Variants in JMJD1C observed in about 807,000 individuals in gnomAD.
JMJD1C encodes jumonji domain-containing protein 1C.
A neutral mutation model predicts 245.3 loss-of-function variants in JMJD1C; 31 were observed. The observed-to-expected ratio is 0.13, with a 90% CI of 0.09 to 0.17. The LOEUF is 0.17. Ranked by LOEUF, JMJD1C falls within the 10% of genes least tolerant of loss-of-function variation. The pLI is 1.00. For synonymous variants in JMJD1C, 1,057 were observed against 1,017.4 expected, an observed-to-expected ratio of 1.04 and a Z score of -0.74; for missense variants, 2,691 against 3,000.2, an observed-to-expected ratio of 0.90 and a Z score of 2.41.
intron 2 of JMJD1C, among the ~76,000 whole-genome samples, chr10:63,338,617 T>C (rs1268808034): frequency 6.7e-6 from 1 of 150,188 alleles, no homozygotes; most frequent in African/African-American, 2.4e-5. Context: ...TTTTGAATAA[T>C]CAAATATCTT....
chr10:63,389,913 C>T (rs1947920411), intron 1 of JMJD1C, among the ~76,000 whole-genome samples: 1 of 152,036 alleles, frequency 6.6e-6, no homozygotes, highest in Admixed American at 6.6e-5. Context: ...GATGGAAGTT[C>T]ATAATTAATA....
chr10:63,496,475 ACT>A (rs1221238773), intron 1 of JMJD1C, among the ~76,000 whole-genome samples: 1 of 151,940 alleles, frequency 6.6e-6, no homozygotes. Context: ...CTTGTTCCCC[ACT>A]CTCTTCTTCT....
chr10:63,190,150 G>T (rs779232986), intron 17 of JMJD1C, among the ~76,000 whole-genome samples: 2 of 146,474 alleles, frequency 1.4e-5, no homozygotes, highest in African/African-American at 5.1e-5. Context: ...GTCTGCCCAC[G>T]TCAGCCTCCC....
At chr10:63,519,580 TAAGA>T (rs1020738876) in intron 1 of JMJD1C, among the ~76,000 whole-genome samples, 5 of 152,256 alleles carry the variant, frequency 3.3e-5, no homozygotes, top group African/African-American at 7.2e-5. Context: ...ATGACACAGA[TAAGA>T]AATAGAAATT....
intron 1 of JMJD1C, among the ~76,000 whole-genome samples, chr10:63,405,484 C>A (rs1173740655): frequency 6.6e-6 from 1 of 151,978 alleles, no homozygotes; most frequent in Admixed American, 6.6e-5. Context: ...CCAAGCTCAG[C>A]TAATTTTTTT....
chr10:63,458,502 T>G (rs2133070591), intron 1 of JMJD1C, among the ~76,000 whole-genome samples: 1 of 150,532 alleles, frequency 6.6e-6, no homozygotes, highest in South Asian at 2.1e-4. Context: ...AAAAAAAGTC[T>G]GCTAAAATCC....
At chr10:63,344,928 G>C (rs1224981284) in intron 2 of JMJD1C, among the ~76,000 whole-genome samples, 1 of 152,122 alleles carries the variant, frequency 6.6e-6, no homozygotes, top group Non-Finnish European at 1.5e-5. Flanking sequence ...TTTCAAGTGG[G>C]AATTAAACAT....
intron 2 of JMJD1C, among the ~76,000 whole-genome samples, chr10:63,345,501 A>C (rs1485350894): frequency 5.3e-5 from 8 of 151,766 alleles, no homozygotes; most frequent in African/African-American, 1.4e-4. Flanking sequence ...AAAAAAAAAA[A>C]AAAACAAAAA....
chr10:63,202,539 C>A (rs1846142311), intron 10 of JMJD1C: 2 of 985,354 alleles, frequency 2.0e-6, no homozygotes, highest in Non-Finnish European at 2.4e-6. Context: ...TATAGAGTGA[C>A]CCATTTGAAA....
At chr10:63,243,727 C>G (rs1339262607) in intron 3 of JMJD1C, among the ~76,000 whole-genome samples, 4 of 151,836 alleles carry the variant, frequency 2.6e-5, no homozygotes, top group African/African-American at 9.7e-5. Flanking sequence ...CAGTAGAAAA[C>G]AAAAAAGAAA....
intron 3 of JMJD1C, among the ~76,000 whole-genome samples, chr10:63,259,850 T>C (rs773663185): frequency 1.3e-5 from 2 of 152,222 alleles, no homozygotes; most frequent in African/African-American, 2.4e-5. Flanking sequence ...TCTACAATGA[T>C]AGAACTGTAG....
intron 3 of JMJD1C, among the ~76,000 whole-genome samples, chr10:63,232,456 A>C (rs1378087629): frequency 6.6e-6 from 1 of 152,230 alleles, no homozygotes; most frequent in Middle Eastern, 3.2e-3. Flanking sequence ...ACTGGTTAAT[A>C]ATTCATTTCA....
chr10:63,231,885 T>C (rs1850057504), intron 3 of JMJD1C, among the ~76,000 whole-genome samples: 2 of 152,200 alleles, frequency 1.3e-5, no homozygotes, highest in Non-Finnish European at 2.9e-5. Flanking sequence ...TCACTCAGGC[T>C]GGAGTGCAAT....
chr10:63,446,875 T>C (rs886778986), intron 1 of JMJD1C, among the ~76,000 whole-genome samples: 1 of 152,148 alleles, frequency 6.6e-6, no homozygotes, highest in Non-Finnish European at 1.5e-5. Context: ...ACAATCTGTA[T>C]AATACCAAGC....
chr10:63,499,982 C>T (rs530332878), intron 1 of JMJD1C, among the ~76,000 whole-genome samples: 3 of 152,270 alleles, frequency 2.0e-5, no homozygotes, highest in East Asian at 1.9e-4. Flanking sequence ...TAGTAGTCTA[C>T]TTTGTACCTA....
intron 3 of JMJD1C, among the ~76,000 whole-genome samples, chr10:63,241,608 AC>A (rs145671140): frequency 0.015 from 2,260 of 152,232 alleles, 50 homozygotes; most frequent in African/African-American, 0.052. Flanking sequence ...ATCATTTTCT[AC>A]TAATTTTCAC....
intron 1 of JMJD1C, among the ~76,000 whole-genome samples, chr10:63,397,490 G>T (rs1948583860): frequency 6.6e-6 from 1 of 151,952 alleles, no homozygotes; most frequent in African/African-American, 2.4e-5. Flanking sequence ...TGGGATTACA[G>T]GTGTGAGCCA....
chr10:63,309,779 T>C (rs1443248456), intron 2 of JMJD1C, among the ~76,000 whole-genome samples: 1 of 152,042 alleles, frequency 6.6e-6, no homozygotes, highest in Non-Finnish European at 1.5e-5. Context: ...TAGCTGGGTG[T>C]GGTGGCGCAC....
At chr10:63,515,490 C>T (rs1954989677) in intron 1 of JMJD1C, among the ~76,000 whole-genome samples, 1 of 152,180 alleles carries the variant, frequency 6.6e-6, no homozygotes, top group African/African-American at 2.4e-5. Flanking sequence ...AGGTCTCAGA[C>T]TTGTCCACAC....
Sources: gnomAD v4.1 joint callset for allele counts (sites outside exome capture counted in the v4.1 genomes callset) on GRCh38, gnomAD v4.1.1 for gene constraint, MANE v1.5 for transcripts, NCBI Gene and HGNC (gene_info 2026-07-23, HGNC 2026-07-21) for gene names.